The following SEC24A variants were observed in gnomAD, a reference collection of about 807,000 sequenced individuals.
SEC24A encodes the protein protein transport protein Sec24A.
A neutral mutation model predicts 129.4 loss-of-function variants in SEC24A; 93 were observed. That is an observed-to-expected ratio of 0.72 (90% CI 0.61 to 0.85). The LOEUF (loss-of-function observed/expected upper bound fraction) is 0.85, where lower values mean the gene tolerates loss of function less well. Ranked by LOEUF, SEC24A falls within the 40% of genes least tolerant of loss-of-function variation. The pLI is 0.00. For synonymous variants in SEC24A, 460 were observed against 467.3 expected (o/e 0.98, Z 0.20); for missense variants, 1,264 against 1,307.4 (o/e 0.97, Z 0.51).
At chr5:134,676,747 G>A (rs753287432) in intron 7 of SEC24A, among the ~76,000 whole-genome samples, 3 of 152,034 alleles carry the variant, frequency 2.0e-5, no homozygotes, top group Non-Finnish European at 4.4e-5. Flanking sequence ...CTTTAGTGAA[G>A]GTAAATGTCT....
chr5:134,716,595 C>T (rs1445092721), intron 19 of SEC24A, among the ~76,000 whole-genome samples: 4 of 151,430 alleles, frequency 2.6e-5, no homozygotes, highest in East Asian at 3.9e-4. Flanking sequence ...GTCAGGAGTT[C>T]GAGACCAGCC....
rs1332317838 is a variant in SEC24A, at chr5:134,666,952, G to C, written c.695G>C (p.Arg232Thr). The C allele has an allele frequency of 6.2e-7, 1 of 1,611,010 alleles. No individual in the cohort carries two copies. The highest frequency in any genetic ancestry group is 1.7e-5 in the Admixed American group (1 of 58,778). Residue 232 changes from arginine to threonine, a missense_variant, in exon 3 of 23, where the codon AGA becomes ACA. By Grantham distance (71) the Arg-to-Thr change is moderately conservative (BLOSUM62 -1). Coordinates refer to ENST00000398844, the MANE Select transcript of SEC24A (RefSeq NM_021982.3). ...CTCACGCCCCTGACATCATCATATAGAGATGTACCCCAGCCCTTATTTAAT... is the reference window on the plus strand; with the variant it reads ...CTCACGCCCCTGACATCATCATATACAGATGTACCCCAGCCCTTATTTAAT... ...RALTPLTSSY[R>T]DVPQPLFNSA...
At chr5:134,692,277 G>T (rs750002385) in intron 11 of SEC24A, among the ~76,000 whole-genome samples, 1 of 152,016 alleles carries the variant, frequency 6.6e-6, no homozygotes. Context: ...AAACTCCTGA[G>T]TTCAAGTCAT....
chr5:134,676,636 G>A (rs547818082), intron 7 of SEC24A, among the ~76,000 whole-genome samples: 1 of 152,048 alleles, frequency 6.6e-6, no homozygotes, highest in African/African-American at 2.4e-5. Context: ...TAGAGATGGT[G>A]TTTCACCATG....
At chr5:134,677,507 A>C (rs1379271525) in intron 7 of SEC24A, among the ~76,000 whole-genome samples, 2 of 145,252 alleles carry the variant, frequency 1.4e-5, no homozygotes, top group African/African-American at 2.6e-5. Context: ...TCTTAACTGC[A>C]TTGCCCAGGA....
At chr5:134,722,362 C>G (rs1373958348) in intron 21 of SEC24A, among the ~76,000 whole-genome samples, 1 of 151,940 alleles carries the variant, frequency 6.6e-6, no homozygotes, top group Non-Finnish European at 1.5e-5. Flanking sequence ...GTCAGGAGTT[C>G]GAGACCAGCC....
intron 3 of SEC24A, among the ~76,000 whole-genome samples, chr5:134,671,155 T>C (rs1269070569): frequency 2.0e-5 from 3 of 152,052 alleles, no homozygotes; most frequent in Non-Finnish European, 2.9e-5. Flanking sequence ...AGGAATTCCC[T>C]GTCTCAGCCT....
At chr5:134,710,708 G>A (rs1431320286) in intron 18 of SEC24A, among the ~76,000 whole-genome samples, 1 of 152,082 alleles carries the variant, frequency 6.6e-6, no homozygotes, top group Admixed American at 6.6e-5. Context: ...TGTCTCCCCT[G>A]CCTGCTCTTT....
intron 20 of SEC24A, among the ~76,000 whole-genome samples, chr5:134,718,566 G>C (rs1277151655): frequency 6.6e-6 from 1 of 152,204 alleles, no homozygotes; most frequent in Non-Finnish European, 1.5e-5. Context: ...GAGACAAGAT[G>C]TGGAGGTGGA....
At position 134,714,996 on chromosome 5, in the gene SEC24A, T is replaced by C. The variant is rs778574518; in HGVS notation, c.2728-28T>C. The C allele has an allele frequency of 3.7e-6, 6 of 1,601,236 alleles. No individual in the cohort carries two copies. In the Admixed American group the frequency reaches 8.7e-5, roughly 23 times the overall value. On this transcript the variant is annotated intron_variant, in intron 18 of 22. Transcript: ENST00000398844. The stretch of plus-strand genomic sequence containing the variant: ...GATGTATTTTTAAAATATATTCTTT[T>C]GTGGGGAATGGGGGTTTTCTGTTAC...
Position 134,656,145 on chromosome 5 carries a change from C to T in SEC24A, c.98-4974C>T, listed in dbSNP as rs984447346. Among the ~76,000 whole-genome samples the T allele has an allele frequency of 7.4e-5, 11 of 149,286 alleles. No homozygotes were observed. In the East Asian group the frequency reaches 9.9e-4, roughly 13 times the overall value. ...TTGCCCAGGCTGGAGTGAGGTGGCA[C>T]GATCTTGGCTCACTGCAACCTTTGC... is the stretch of plus-strand genomic sequence containing the variant. On this transcript the variant is annotated intron_variant, in intron 1 of 22. Coordinates refer to ENST00000398844, the MANE Select transcript of SEC24A (RefSeq NM_021982.3).
At chr5:134,712,908 G>A (rs928650112) in intron 18 of SEC24A, among the ~76,000 whole-genome samples, 5 of 147,816 alleles carry the variant, frequency 3.4e-5, no homozygotes, top group Middle Eastern at 3.3e-3. Context: ...ATGAGCCACC[G>A]TGCCTGGAAA....
Position 134,725,250 on chromosome 5 carries a change from C to T in SEC24A, c.*156C>T. 1 of 535,154 alleles carries T rather than the reference C, an allele frequency of 1.9e-6. No individual in the cohort carries two copies. The highest frequency in any genetic ancestry group is 3.3e-6 in the Non-Finnish European group (1 of 305,052). The allele number at this position is 535,154 out of a possible 1,614,324, so 33.2% of individuals were successfully genotyped here. A position where few individuals can be genotyped will look rare whatever the true frequency, so the allele number is the denominator to read the frequency against. Reference sequence around the variant, plus strand: ...TCAACAACCTATAGCAAATAAAAGACCACAGCAGAGAATCAAACATGCAAC... The same window carrying T: ...TCAACAACCTATAGCAAATAAAAGATCACAGCAGAGAATCAAACATGCAAC... On this transcript the variant is annotated 3_prime_UTR_variant, in exon 23 of 23. Coordinates refer to ENST00000398844, the MANE Select transcript of SEC24A (RefSeq NM_021982.3).
At chr5:134,702,192 T>C (rs1752025507) in intron 15 of SEC24A, among the ~76,000 whole-genome samples, 2 of 152,232 alleles carry the variant, frequency 1.3e-5, no homozygotes, top group South Asian at 2.1e-4. Context: ...TGTATATTTC[T>C]TTTTAAGAGA....
chr5:134,655,547 GCCT>G (rs1750214558), intron 1 of SEC24A, among the ~76,000 whole-genome samples: 2 of 151,086 alleles, frequency 1.3e-5, no homozygotes, highest in Middle Eastern at 6.8e-3. Context: ...TACTCAGGAG[GCCT>G]CAGCCTCCTG....
intron 1 of SEC24A, among the ~76,000 whole-genome samples, chr5:134,649,686 T>G (rs933703695): frequency 2.0e-5 from 3 of 152,160 alleles, no homozygotes; most frequent in African/African-American, 7.2e-5. Flanking sequence ...CTACAACAGC[T>G]GTTCAATGTT....
chr5:134,658,245 T>C (rs1434964624), intron 1 of SEC24A, among the ~76,000 whole-genome samples: 3 of 152,140 alleles, frequency 2.0e-5, no homozygotes, highest in South Asian at 4.2e-4. Context: ...CACTTTAGCT[T>C]GGGCAACAGA....
chr5:134,713,543 T>C (rs1752391023), intron 18 of SEC24A, among the ~76,000 whole-genome samples: 1 of 152,146 alleles, frequency 6.6e-6, no homozygotes, highest in African/African-American at 2.4e-5. Flanking sequence ...GTTAGAACAG[T>C]TCCTAGTATA....
At position 134,649,096 on chromosome 5, in the gene SEC24A, C is replaced by T. The variant is rs779925816; in HGVS notation, c.20C>T (p.Pro7Leu). MSQPGI[P>L]ASGGAPASLQ... The stretch of plus-strand genomic sequence containing the variant: ...GTCATCATGTCCCAGCCGGGAATAC[C>T]GGCCTCCGGCGGCGCCCCAGCCAGC... The change falls in exon 1 of 23, where the codon CCG becomes CTG. Residue 7 changes from proline (P) to leucine (L), a missense_variant. Physicochemically the swap from Pro to Leu is moderately conservative, Grantham distance 98. Coordinates refer to ENST00000398844, the MANE Select transcript of SEC24A (RefSeq NM_021982.3). 11 of 1,609,046 alleles carry T rather than the reference C, an allele frequency of 6.8e-6. No individual in the cohort carries two copies. In the Admixed American group the frequency reaches 8.4e-5, roughly 12 times the overall value.
Sources: allele counts gnomAD v4.1 joint callset (sites outside exome capture counted in the v4.1 genomes callset), GRCh38; gene constraint gnomAD v4.1.1; transcripts MANE v1.5; gene names NCBI Gene and HGNC (gene_info 2026-07-23, HGNC 2026-07-21).